The following EYS variants were observed in gnomAD, a reference collection of about 807,000 sequenced individuals.
EYS encodes protein eyes shut homolog.
In EYS, 250 loss-of-function variants were observed where a neutral mutation model predicts 282.1. The observed-to-expected ratio is 0.89, with a 90% CI of 0.80 to 0.98. The LOEUF (loss-of-function observed/expected upper bound fraction) is 0.98, where lower values mean the gene tolerates loss of function less well. Among genes scored for constraint, EYS ranks in the 50% least tolerant of loss-of-function variants. The pLI is 0.00. For missense variants in EYS, 4,016 were observed against 3,709.0 expected (o/e 1.08, Z -2.15); for synonymous variants, 1,355 against 1,282.9 (o/e 1.06, Z -1.20).
chr6:65,109,538 T>G (rs1775147805), intron 12 of EYS, among the ~76,000 whole-genome samples: 1 of 152,096 alleles, frequency 6.6e-6, no homozygotes, highest in South Asian at 2.1e-4. Flanking sequence ...AGGTATTAGT[T>G]GGGCATGTGA....
chr6:64,230,648 A>G lies in EYS; in HGVS notation c.6368T>C (p.Ile2123Thr). 3 of 1,551,592 alleles carry G rather than the reference A, an allele frequency of 1.9e-6. No homozygotes were observed. Among genetic ancestry groups the G allele is most frequent in the East Asian group, 2.4e-5 (1 of 40,916 alleles). ...TCHAIFLSSG[I>T]VSFQCDCPLH... ...TGGACAGTCACATTGGAATGACACT[A>G]TGCCACTGGAGAGGAAGATGGCATG... Residue 2123 changes from isoleucine to threonine, a missense_variant, in exon 31 of 43, where the codon ATA becomes ACA. By Grantham distance (89) the Ile-to-Thr change is moderately conservative. Transcript: ENST00000503581.
chr6:63,809,021 G>A (rs1169201538), intron 36 of EYS, among the ~76,000 whole-genome samples: 2 of 152,194 alleles, frequency 1.3e-5, no homozygotes, highest in African/African-American at 4.8e-5. Context: ...ATCCAAGCAT[G>A]TTTTGATAGG....
chr6:63,924,654 G>A (rs181096934), intron 35 of EYS, among the ~76,000 whole-genome samples: 304 of 152,124 alleles, frequency 2.0e-3, no homozygotes, highest in Middle Eastern at 0.01. Context: ...GTTTCTATAG[G>A]GGCTCAGATT....
chr6:65,005,916 G>A (rs1431186546), intron 13 of EYS, among the ~76,000 whole-genome samples: 2 of 152,182 alleles, frequency 1.3e-5, no homozygotes, highest in Admixed American at 6.5e-5. Context: ...TTTTTTGAAA[G>A]TGTAGCCCCA....
chr6:63,912,785 G>GC (rs988136341), intron 35 of EYS, among the ~76,000 whole-genome samples: 7 of 111,836 alleles, frequency 6.3e-5, no homozygotes, highest in Admixed American at 3.7e-4. Context: ...CTCCCCACCC[G>GC]CCCCCCCGAC....
chr6:65,507,783 T>C (rs1394071553), intron 2 of EYS, among the ~76,000 whole-genome samples: 1 of 152,144 alleles, frequency 6.6e-6, no homozygotes, highest in African/African-American at 2.4e-5. Flanking sequence ...AGCATTTTCT[T>C]TCAGTTCTTT....
chr6:64,496,593 T>G (rs890128421), intron 26 of EYS, among the ~76,000 whole-genome samples: 4 of 152,044 alleles, frequency 2.6e-5, no homozygotes, highest in African/African-American at 9.6e-5. Flanking sequence ...TCAGTCTTGT[T>G]TCTGCCTCCA....
chr6:65,433,268 A>C (rs2150385876), intron 5 of EYS, among the ~76,000 whole-genome samples: 1 of 152,322 alleles, frequency 6.6e-6, no homozygotes, highest in Admixed American at 6.5e-5. Context: ...GGTACTTTAA[A>C]GGGCAAGGAA....
chr6:64,986,015 A>C (rs1011274625), intron 14 of EYS, among the ~76,000 whole-genome samples: 12 of 151,498 alleles, frequency 7.9e-5, no homozygotes, highest in Non-Finnish European at 1.5e-4. Flanking sequence ...ACTGAGACCA[A>C]GTTTTGATTT....
At position 65,442,864 on chromosome 6, in the gene EYS, A is replaced by G. The variant is rs910842447; in HGVS notation, c.863-37497T>C. On this transcript the variant is annotated intron_variant, in intron 5 of 42. Coordinates refer to ENST00000503581, the MANE Select transcript of EYS (RefSeq NM_001142800.2). Reference sequence around the variant, plus strand: ...CATATACACATACATATGTACATATATACATACATATACACATACATATGT... The same window carrying G: ...CATATACACATACATATGTACATATGTACATACATATACACATACATATGT... 2.1e-4 allele frequency among the ~76,000 whole-genome samples: 27 copies of G among 129,036 alleles called. 1 individual carries two copies. The highest frequency in any genetic ancestry group is 6.4e-4 in the African/African-American group (24 of 37,420). 84.7% of individuals were successfully genotyped at this position (129,036 alleles called of 152,430 possible).
At position 64,590,953 on chromosome 6, in the gene EYS, T is replaced by C. The variant is rs939813652; in HGVS notation, c.4914A>G (p.Arg1638=). ...SLFPSKKSAK[R]TILSSSLEES... ...CTTCCAAGGATGAGGATAAAATTGT[T>C]CTTTTTGCACTCTTTTTAGAAGGAA... Residue 1638 remains arginine, a synonymous_variant, in exon 26 of 43, where the codon AGA becomes AGG. Coordinates refer to ENST00000503581, the MANE Select transcript of EYS (RefSeq NM_001142800.2). The C allele has an allele frequency of 1.9e-6, 3 of 1,551,030 alleles. No individual in the cohort carries two copies. In the African/African-American group the frequency reaches 4.1e-5, roughly 21 times the overall value.
At chr6:65,309,751 C>A (rs1420170874) in intron 11 of EYS, among the ~76,000 whole-genome samples, 1 of 152,146 alleles carries the variant, frequency 6.6e-6, no homozygotes, top group Non-Finnish European at 1.5e-5. Flanking sequence ...GGTAAAAATT[C>A]TATGGTTATC....
intron 35 of EYS, among the ~76,000 whole-genome samples, chr6:63,905,265 C>CT (rs11375729): frequency 1 from 151,726 of 151,794 alleles, 75,829 homozygotes; most frequent in Middle Eastern, 1. Context: ...GTGGAAAGGC[C>CT]TTTAAATAAA....
chr6:63,777,698 T>C (rs1770100057), intron 40 of EYS: 1 of 240,198 alleles, frequency 4.2e-6, no homozygotes, highest in Admixed American at 5.1e-5. Context: ...TGTAAGCCTT[T>C]GTGTGGTTAA....
intron 34 of EYS, among the ~76,000 whole-genome samples, chr6:63,996,325 G>A (rs1462386971): frequency 6.6e-6 from 1 of 151,970 alleles, no homozygotes; most frequent in African/African-American, 2.4e-5. Flanking sequence ...GAAATGAAAA[G>A]TTGCTCTTCA....
At chr6:64,983,172 TA>T (rs1372853565) in intron 14 of EYS, among the ~76,000 whole-genome samples, 1 of 151,166 alleles carries the variant, frequency 6.6e-6, no homozygotes, top group African/African-American at 2.4e-5. Flanking sequence ...TACCACTGAA[TA>T]GGAATTAGCT....
At chr6:64,057,333 G>A (rs1771018548) in intron 33 of EYS, among the ~76,000 whole-genome samples, 1 of 151,372 alleles carries the variant, frequency 6.6e-6, no homozygotes, top group Non-Finnish European at 1.5e-5. Context: ...AACTTGTTGA[G>A]GAGGAATCTG....
chr6:63,908,224 T>C (rs1259897180), intron 35 of EYS, among the ~76,000 whole-genome samples: 1 of 151,614 alleles, frequency 6.6e-6, no homozygotes, highest in Non-Finnish European at 1.5e-5. Context: ...ATACTCAACA[T>C]TGCTAATCAT....
chr6:64,502,139 C>T (rs1262047374), intron 26 of EYS, among the ~76,000 whole-genome samples: 5 of 152,050 alleles, frequency 3.3e-5, no homozygotes, highest in Admixed American at 1.3e-4. Context: ...GTTAATGGCT[C>T]CCTTATAGTG....
Sources: gnomAD v4.1 joint callset for allele counts (sites outside exome capture counted in the v4.1 genomes callset) on GRCh38, gnomAD v4.1.1 for gene constraint, MANE v1.5 for transcripts, NCBI Gene and HGNC (gene_info 2026-07-23, HGNC 2026-07-21) for gene names.